Variants in CYP7B1 observed in about 807,000 individuals in gnomAD.
The protein encoded by CYP7B1 is cytochrome P450 7B1.
In CYP7B1, 29 loss-of-function variants were observed where a neutral mutation model predicts 42.7. The ratio of observed to expected loss-of-function variants is 0.68; its 90% confidence interval spans 0.51 to 0.93. CYP7B1 has a LOEUF of 0.93. Ranked by LOEUF, CYP7B1 falls within the 40% of genes least tolerant of loss-of-function variation. CYP7B1 has a pLI of 0.00. For synonymous variants in CYP7B1, 235 were observed against 218.2 expected (o/e 1.08, Z -0.68); for missense variants, 655 against 600.5 (o/e 1.09, Z -0.95).
chr8:64,605,811 T>C (rs1188676248), intron 4 of CYP7B1, among the ~76,000 whole-genome samples: 1 of 152,058 alleles, frequency 6.6e-6, no homozygotes, highest in Non-Finnish European at 1.5e-5. Context: ...CTTCACATGA[T>C]AACAAATGGT....
chr8:64,607,682 A>T (rs1585802733), intron 4 of CYP7B1, among the ~76,000 whole-genome samples: 1 of 152,308 alleles, frequency 6.6e-6, no homozygotes, highest in Middle Eastern at 3.4e-3. Context: ...TCCAGCCAAA[A>T]CAGGGGACTG....
At chr8:64,639,724 A>G (rs1355069436) in intron 1 of CYP7B1, among the ~76,000 whole-genome samples, 1 of 152,124 alleles carries the variant, frequency 6.6e-6, no homozygotes, top group African/African-American at 2.4e-5. Flanking sequence ...TTTAACACAC[A>G]TAAAATATGT....
chr8:64,622,779 G>A (rs1805550776), intron 2 of CYP7B1, among the ~76,000 whole-genome samples: 1 of 152,216 alleles, frequency 6.6e-6, no homozygotes, highest in Non-Finnish European at 1.5e-5. Flanking sequence ...CATGGGGACA[G>A]GGAGATGGAG....
chr8:64,798,148 T>C (rs1804734984), intron 1 of CYP7B1, among the ~76,000 whole-genome samples: 1 of 152,186 alleles, frequency 6.6e-6, no homozygotes, highest in Admixed American at 6.5e-5. Flanking sequence ...TTCTAGGCCA[T>C]AAAATATCAA....
intron 1 of CYP7B1, among the ~76,000 whole-genome samples, chr8:64,793,021 G>A (rs1194444741): frequency 2.0e-5 from 3 of 152,152 alleles, no homozygotes; most frequent in African/African-American, 7.2e-5. Context: ...TAAGAGAGAG[G>A]AAGGGTGTCA....
intron 1 of CYP7B1, among the ~76,000 whole-genome samples, chr8:64,750,692 C>T (rs906282463): frequency 2.0e-5 from 3 of 152,108 alleles, no homozygotes; most frequent in African/African-American, 7.2e-5. Context: ...TGTGAAGAGT[C>T]CCTGGGACTG....
intron 1 of CYP7B1, among the ~76,000 whole-genome samples, chr8:64,796,799 T>C (rs1168809615): frequency 6.6e-6 from 1 of 152,226 alleles, no homozygotes; most frequent in African/African-American, 2.4e-5. Flanking sequence ...ACGATTTTTA[T>C]TAACATATAT....
chr8:64,797,617 T>C (rs947068734), intron 1 of CYP7B1, among the ~76,000 whole-genome samples: 2 of 152,138 alleles, frequency 1.3e-5, no homozygotes, highest in African/African-American at 4.8e-5. Context: ...CCCAAAACTA[T>C]TGAGAAACAA....
intron 1 of CYP7B1, among the ~76,000 whole-genome samples, chr8:64,762,548 TTTTCATAATGCATTTGAAAACGTGG>T (rs1415546897): frequency 6.6e-6 from 1 of 152,216 alleles, no homozygotes; most frequent in Non-Finnish European, 1.5e-5. Flanking sequence ...CTTCACTAAG[TTTTCATAATGCATTTGAAAACGTGG>T]TTTCATAATG....
intron 1 of CYP7B1, among the ~76,000 whole-genome samples, chr8:64,676,334 G>A (rs1008427025): frequency 2.0e-5 from 3 of 152,056 alleles, no homozygotes; most frequent in African/African-American, 4.8e-5. Context: ...CATCTTACGC[G>A]TTAGCACACC....
intron 5 of CYP7B1, among the ~76,000 whole-genome samples, chr8:64,599,483 C>T (rs556382996): frequency 4.6e-5 from 7 of 152,240 alleles, no homozygotes; most frequent in African/African-American, 1.2e-4. Context: ...CCACTGTGTC[C>T]GGCCGCTGAT....
At chr8:64,630,575 T>G (rs1453054072) in intron 1 of CYP7B1, among the ~76,000 whole-genome samples, 1 of 152,248 alleles carries the variant, frequency 6.6e-6, no homozygotes, top group Non-Finnish European at 1.5e-5. Flanking sequence ...TTTTGTCAAC[T>G]CTCTCTGCTT....
At chr8:64,638,911 A>C (rs924550679) in intron 1 of CYP7B1, among the ~76,000 whole-genome samples, 1 of 152,148 alleles carries the variant, frequency 6.6e-6, no homozygotes, top group Middle Eastern at 3.4e-3. Context: ...TGCCAAGGTC[A>C]GTAACTCATT....
chr8:64,716,587 A>G (rs1294213336), intron 1 of CYP7B1, among the ~76,000 whole-genome samples: 1 of 152,072 alleles, frequency 6.6e-6, no homozygotes, highest in Non-Finnish European at 1.5e-5. Flanking sequence ...GGCACCTGTA[A>G]TCACAGCTAC....
intron 4 of CYP7B1, among the ~76,000 whole-genome samples, chr8:64,608,061 C>CACTACAT (rs1220615841): frequency 6.6e-6 from 1 of 152,186 alleles, no homozygotes; most frequent in Non-Finnish European, 1.5e-5. Context: ...TCAGAGCATG[C>CACTACAT]ACTACATTCT....
chr8:64,681,438 C>A (rs1806536337), intron 1 of CYP7B1, among the ~76,000 whole-genome samples: 1 of 152,196 alleles, frequency 6.6e-6, no homozygotes, highest in Non-Finnish European at 1.5e-5. Flanking sequence ...GATATTCACA[C>A]CCTGTGCAGT....
At chr8:64,798,045 TA>T (rs1281378945) in intron 1 of CYP7B1, among the ~76,000 whole-genome samples, 2 of 152,246 alleles carry the variant, frequency 1.3e-5, no homozygotes, top group South Asian at 2.1e-4. Context: ...CACTCAGAGT[TA>T]TTGTTCACAC....
At position 64,596,643 on chromosome 8, in the gene CYP7B1, T is replaced by G; in HGVS notation, c.1520A>C (p.Ter507SerextTer3). 1.2e-6 allele frequency: 2 copies of G among 1,611,274 alleles called. No individual in the cohort carries two copies. The highest frequency in any genetic ancestry group is 4.5e-5 in the East Asian group (2 of 44,818). The change falls in exon 6 of 6, where the codon TAG (stop) becomes TCG (serine). Residue 507 changes from the stop codon to serine (S), a stop_lost. Transcript: ENST00000310193. ...DVLFRYKVKS[*>S] ...TTATTTTCTTTCCTTTTAGCTTCTC[T>G]AAGATTTCACTTTGTATCTAAATAA... is the stretch of plus-strand genomic sequence containing the variant.
chr8:64,641,134 T>C (rs1051460964), intron 1 of CYP7B1, among the ~76,000 whole-genome samples: 1 of 152,186 alleles, frequency 6.6e-6, no homozygotes, highest in African/African-American at 2.4e-5. Context: ...GAATGAGCCA[T>C]ATGAGAGCTA....
Sources: allele counts gnomAD v4.1 joint callset (sites outside exome capture counted in the v4.1 genomes callset), GRCh38; gene constraint gnomAD v4.1.1; transcripts MANE v1.5; gene names NCBI Gene and HGNC (gene_info 2026-07-23, HGNC 2026-07-21).